Variants in SPSB4 observed in about 807,000 individuals in gnomAD.
SPSB4 encodes the protein SPRY domain-containing SOCS box protein 4.
SPSB4 carries 21 observed loss-of-function variants against 20.9 expected under a neutral mutation model. The observed-to-expected ratio is 1.01, with a 90% CI of 0.71 to 1.45. The LOEUF is 1.45. SPSB4 is among the 40% of genes most tolerant of loss of function. The pLI, the probability that SPSB4 is intolerant of heterozygous loss-of-function variation, is 0.00. For synonymous variants in SPSB4, 207 were observed against 183.8 expected (o/e 1.13, Z -1.02); for missense variants, 399 against 399.2 (o/e 1.00, Z 0.00).
chr3:141,093,635 C>T (rs933033734), intron 2 of SPSB4, among the ~76,000 whole-genome samples: 8 of 152,156 alleles, frequency 5.3e-5, no homozygotes, highest in Non-Finnish European at 8.8e-5. Flanking sequence ...TCCCACCCTG[C>T]GGCGCTGCAG....
chr3:141,081,259 A>G (rs2107786719), intron 2 of SPSB4, among the ~76,000 whole-genome samples: 1 of 152,368 alleles, frequency 6.6e-6, no homozygotes, highest in South Asian at 2.1e-4. Flanking sequence ...CAAATGCTCC[A>G]CAGACACGGC....
At chr3:141,070,464 G>A (rs1040968288) in intron 2 of SPSB4, among the ~76,000 whole-genome samples, 1 of 151,960 alleles carries the variant, frequency 6.6e-6, no homozygotes. Flanking sequence ...CTGAGTAGCT[G>A]GGGCTACAAG....
chr3:141,060,509 A>T (rs1030188068), intron 1 of SPSB4, among the ~76,000 whole-genome samples: 1 of 152,210 alleles, frequency 6.6e-6, no homozygotes. Context: ...ACCCCAGGTT[A>T]TGCAAGTTAT....
chr3:141,116,341 GC>G (rs1438474085), intron 2 of SPSB4, among the ~76,000 whole-genome samples: 1 of 152,192 alleles, frequency 6.6e-6, no homozygotes, highest in Admixed American at 6.5e-5. Context: ...GTTAGTTGCT[GC>G]CCCCCACTAG....
chr3:141,109,472 ACCCACCCTGGGCCAGCCAGATCCACTT>A (rs2107797799), intron 2 of SPSB4, among the ~76,000 whole-genome samples: 1 of 151,690 alleles, frequency 6.6e-6, no homozygotes, highest in South Asian at 2.1e-4. Flanking sequence ...TGCCTCCCAT[ACCCACCCTGGGCCAGCCAGATCCACTT>A]CCTTGCCAGC....
chr3:141,076,778 T>C (rs1224793523), intron 2 of SPSB4, among the ~76,000 whole-genome samples: 1 of 152,142 alleles, frequency 6.6e-6, no homozygotes, highest in African/African-American at 2.4e-5. Flanking sequence ...AGGCCTTGGA[T>C]TGACTGTGCT....
At chr3:141,086,254 G>A (rs1481479926) in intron 2 of SPSB4, among the ~76,000 whole-genome samples, 1 of 152,204 alleles carries the variant, frequency 6.6e-6, no homozygotes, top group Non-Finnish European at 1.5e-5. Context: ...CTTCCTTGAA[G>A]GGTTTTTGAG....
intron 2 of SPSB4, among the ~76,000 whole-genome samples, chr3:141,070,675 G>C (rs116977991): frequency 6.6e-6 from 1 of 152,090 alleles, no homozygotes; most frequent in Admixed American, 6.5e-5. Flanking sequence ...CACGTCACCC[G>C]GCCATTTTGC....
intron 2 of SPSB4, among the ~76,000 whole-genome samples, chr3:141,126,603 C>A (rs1249206023): frequency 1.3e-5 from 2 of 152,198 alleles, no homozygotes; most frequent in East Asian, 1.9e-4. Flanking sequence ...CTTCCACAGA[C>A]CCAGGGAGAC....
intron 2 of SPSB4, among the ~76,000 whole-genome samples, chr3:141,092,119 A>G (rs940722218): frequency 3.3e-5 from 5 of 152,186 alleles, no homozygotes; most frequent in African/African-American, 1.2e-4. Flanking sequence ...TTTGAATCAG[A>G]CGGAGCTAGG....
At chr3:141,128,371 C>T (rs774192107) in intron 2 of SPSB4, among the ~76,000 whole-genome samples, 7 of 152,110 alleles carry the variant, frequency 4.6e-5, no homozygotes, top group Admixed American at 2.0e-4. Context: ...AGGCCAAAGC[C>T]CTGACAAACA....
chr3:141,077,301 T>G (rs1023774321), intron 2 of SPSB4: 6 of 152,228 alleles, frequency 3.9e-5, no homozygotes, highest in Admixed American at 3.3e-4. Context: ...TCTCAGCGGC[T>G]GCTTTCTATA....
chr3:141,105,817 C>G (rs191440042), intron 2 of SPSB4, among the ~76,000 whole-genome samples: 8 of 152,346 alleles, frequency 5.3e-5, no homozygotes, highest in African/African-American at 1.7e-4. Context: ...TAAATGCTTA[C>G]TACGTTTTTT....
rs200222428 is a variant in SPSB4, at chr3:141,147,438, G to A, written c.*169G>A. 8.5e-7 allele frequency: 1 copy of A among 1,177,994 alleles called. No individual in the cohort carries two copies. The highest frequency in any genetic ancestry group is 1.2e-6 in the Non-Finnish European group (1 of 852,562). 73.0% of individuals were successfully genotyped at this position (1,177,994 alleles called of 1,614,324 possible). A position where few individuals can be genotyped will look rare whatever the true frequency, so the allele number is the denominator to read the frequency against. On this transcript the variant is annotated 3_prime_UTR_variant, in exon 3 of 3. Transcript: ENST00000310546. Reference sequence around the variant, plus strand: ...GTGGTACCAACTTTGGAAACGAAAGGTCTCTTGCCAACAGTATCTACTGCC... The same window carrying A: ...GTGGTACCAACTTTGGAAACGAAAGATCTCTTGCCAACAGTATCTACTGCC...
rs1052523302 is a variant in SPSB4 at position 141,104,794 on chromosome 3, T to C, written c.694+37996T>C. Among the ~76,000 whole-genome samples, 26 of 152,230 alleles carry C rather than the reference T, an allele frequency of 1.7e-4. 1 individual carries two copies. The highest frequency in any genetic ancestry group is 6.3e-4 in the African/African-American group (26 of 41,464). On this transcript the variant is annotated intron_variant, in intron 2 of 2. Transcript: ENST00000310546. ...TTTTCCTTGTCACTTTATGAGGTGC[T>C]AGGTCTACCCATTCAAGCTGGGAAA...
At chr3:141,064,632 G>A (rs1576515351) in intron 1 of SPSB4, among the ~76,000 whole-genome samples, 1 of 152,182 alleles carries the variant, frequency 6.6e-6, no homozygotes, top group East Asian at 1.9e-4. Context: ...CTGTCTGGGT[G>A]GGAGGTTGAG....
chr3:141,132,313 G>A (rs531427005), intron 2 of SPSB4: 4 of 324,986 alleles, frequency 1.2e-5, no homozygotes, highest in Admixed American at 8.9e-5. Context: ...GACTACAGGT[G>A]AGCACCACCA....
intron 2 of SPSB4, among the ~76,000 whole-genome samples, chr3:141,134,402 A>G (rs1939191389): frequency 6.6e-6 from 1 of 152,066 alleles, no homozygotes; most frequent in African/African-American, 2.4e-5. Context: ...TCTAGTTCTC[A>G]GGGGGAATGC....
intron 2 of SPSB4, among the ~76,000 whole-genome samples, chr3:141,135,368 T>C (rs542280241): frequency 4.4e-4 from 56 of 126,118 alleles, no homozygotes; most frequent in African/African-American, 1.9e-3. Context: ...TATTATACCT[T>C]AAGTTTTAGT....
Sources: allele counts gnomAD v4.1 joint callset (sites outside exome capture counted in the v4.1 genomes callset), GRCh38; gene constraint gnomAD v4.1.1; transcripts MANE v1.5; gene names NCBI Gene and HGNC (gene_info 2026-07-23, HGNC 2026-07-21).